The following FAM193A variants were observed in gnomAD, a reference collection of about 807,000 sequenced individuals.
The protein encoded by FAM193A is family with sequence similarity 193 member A.
In FAM193A, 22 loss-of-function variants were observed where a neutral mutation model predicts 126.5. The ratio of observed to expected loss-of-function variants is 0.17; its 90% CI spans 0.12 to 0.25. The LOEUF (loss-of-function observed/expected upper bound fraction) is 0.25. FAM193A is among the 10% of genes least tolerant of loss of function. The probability of loss-of-function intolerance (pLI) is 1.00; values close to 1 mark genes in which losing one functional copy is unlikely to be tolerated. For missense variants in FAM193A, 1,675 were observed against 1,672.8 expected (o/e 1.00, Z -0.02); for synonymous variants, 761 against 646.8 (o/e 1.18, Z -2.68).
chr4:2,704,861 C>T (rs1425488553), intron 19 of FAM193A, among the ~76,000 whole-genome samples: 1 of 152,000 alleles, frequency 6.6e-6, no homozygotes, highest in Non-Finnish European at 1.5e-5. Context: ...CTATTCATAC[C>T]TATTTCTCAT....
At chr4:2,684,359 T>A (rs1477988902) in intron 13 of FAM193A, among the ~76,000 whole-genome samples, 1 of 152,214 alleles carries the variant, frequency 6.6e-6, no homozygotes, top group Non-Finnish European at 1.5e-5. Flanking sequence ...ATTTATTATT[T>A]ATAAGTTTTA....
rs545775650 is a variant in FAM193A, at chr4:2,694,021, G to C, written c.3092+147G>C. ...GGAATGCAGGGATGTCCCCAGCAGA[G>C]GCCATGGGTAGAGGGGGGCTCCCAT... On this transcript the variant is annotated intron_variant, in intron 16 of 20. Coordinates refer to ENST00000637812, the MANE Select transcript of FAM193A (RefSeq NM_001366318.2). 1.4e-5 allele frequency: 12 copies of C among 870,518 alleles called. No homozygotes were observed. In the South Asian group the frequency reaches 1.9e-4, roughly 14 times the overall value. The allele number at this position is 870,518 out of a possible 1,614,324, so 53.9% of individuals were successfully genotyped here. A position where few individuals can be genotyped will look rare whatever the true frequency, so the allele number is the denominator to read the frequency against.
chr4:2,570,643 A>T (rs974894016), intron 1 of FAM193A, among the ~76,000 whole-genome samples: 3 of 152,116 alleles, frequency 2.0e-5, no homozygotes, highest in Non-Finnish European at 4.4e-5. Flanking sequence ...TGACACAGGA[A>T]ATAAGCCTTG....
intron 1 of FAM193A, among the ~76,000 whole-genome samples, chr4:2,560,635 A>T (rs931163982): frequency 6.6e-6 from 1 of 152,110 alleles, no homozygotes; most frequent in South Asian, 2.1e-4. Flanking sequence ...GATGGTTTTT[A>T]ATGAGTCTGT....
chr4:2,687,710 T>G (rs1042546025), intron 13 of FAM193A, among the ~76,000 whole-genome samples: 1 of 152,228 alleles, frequency 6.6e-6, no homozygotes, highest in Non-Finnish European at 1.5e-5. Flanking sequence ...TCCTTCCGCC[T>G]TCTGGTTCAT....
Position 2,662,879 on chromosome 4 carries a change from T to G in FAM193A, c.1787T>G (p.Phe596Cys). The change falls in exon 11 of 21, where the codon TTT becomes TGT. Residue 596 changes from phenylalanine (F) to cysteine (C), a missense_variant. Phe to Cys is a radical substitution (Grantham distance 205). Transcript: ENST00000637812. ...GATGTTGCACCATTGTCAGCCAAAT[T>G]TGCTGATATTTATCCATTGAGTAAT... ...DEDVAPLSAK[F>C]ADIYPLSNYD... is the part of the protein sequence containing the mutation. 6.2e-7 allele frequency: 1 copy of G among 1,611,950 alleles called. No homozygotes were observed. The highest frequency in any genetic ancestry group is 8.5e-7 in the Non-Finnish European group (1 of 1,178,138).
chr4:2,637,506 C>G (rs368239682), intron 5 of FAM193A, among the ~76,000 whole-genome samples: 3 of 152,322 alleles, frequency 2.0e-5, no homozygotes, highest in East Asian at 3.9e-4. Context: ...TTATTTCAGT[C>G]TATTGTAGGA....
rs537515273 is a variant in FAM193A at position 2,599,442 on chromosome 4, C to T, written c.501+3113C>T. Among the ~76,000 whole-genome samples the T allele has an allele frequency of 5.3e-5, 8 of 152,208 alleles. No homozygotes were observed. In the South Asian group the frequency reaches 1.2e-3, roughly 24 times the overall value. On this transcript the variant is annotated intron_variant, in intron 2 of 20. Coordinates refer to ENST00000637812, the MANE Select transcript of FAM193A (RefSeq NM_001366318.2). The stretch of plus-strand genomic sequence containing the variant: ...GGCTCTGGTCAGGGCTCAGAGTGCA[C>T]GGCTCTCCTGCAGCTTTCTGCATCC...
At chr4:2,602,551 C>A (rs1240260771) in intron 2 of FAM193A, among the ~76,000 whole-genome samples, 1 of 152,096 alleles carries the variant, frequency 6.6e-6, no homozygotes, top group Non-Finnish European at 1.5e-5. Context: ...TGGGGTTTCA[C>A]CATGTTGGCC....
chr4:2,593,699 G>A (rs1263729276), intron 1 of FAM193A, among the ~76,000 whole-genome samples: 1 of 152,108 alleles, frequency 6.6e-6, no homozygotes, highest in Non-Finnish European at 1.5e-5. Flanking sequence ...TTAACATTAT[G>A]ATTTTAGGCT....
chr4:2,590,823 C>T (rs1740526816), intron 1 of FAM193A, among the ~76,000 whole-genome samples: 1 of 151,776 alleles, frequency 6.6e-6, no homozygotes, highest in Non-Finnish European at 1.5e-5. Context: ...GTCAGGAGAT[C>T]GAGACCATCC....
At chr4:2,543,094 C>CT (rs199951533) in intron 1 of FAM193A, among the ~76,000 whole-genome samples, 43,483 of 146,086 alleles carry the variant, frequency 0.3, 7,363 homozygotes, top group East Asian at 0.53. Flanking sequence ...GTTTTCTTTT[C>CT]TTTTTTTTTT....
chr4:2,630,599 G>A (rs1273607196), intron 4 of FAM193A, among the ~76,000 whole-genome samples: 8 of 152,312 alleles, frequency 5.3e-5, no homozygotes, highest in Admixed American at 4.6e-4. Context: ...GTGAGTTTAC[G>A]CAAGTCACCC....
Position 2,547,125 on chromosome 4 carries a change from C to T in FAM193A, c.255+9955C>T, listed in dbSNP as rs555984251. On this transcript the variant is annotated intron_variant, in intron 1 of 20. Transcript: ENST00000637812. Reference sequence around the variant, plus strand: ...TTTGTGGGCTGGGCGTGGTGGCTCACGCCTGTAATTCCAGCACGTTGGGAG... The same window carrying T: ...TTTGTGGGCTGGGCGTGGTGGCTCATGCCTGTAATTCCAGCACGTTGGGAG... 3.3e-5 allele frequency among the ~76,000 whole-genome samples: 5 copies of T among 152,198 alleles called. No homozygotes were observed. The East Asian group carries it at 5.8e-4, about 18-fold the overall frequency.
chr4:2,638,123 A>G (rs932694827), intron 5 of FAM193A, among the ~76,000 whole-genome samples: 1 of 152,238 alleles, frequency 6.6e-6, no homozygotes. Context: ...CAGCTCTTCC[A>G]GGAGGCCCCT....
At chr4:2,621,291 C>T (rs747340898) in intron 2 of FAM193A, among the ~76,000 whole-genome samples, 3 of 151,990 alleles carry the variant, frequency 2.0e-5, no homozygotes, top group African/African-American at 7.3e-5. Flanking sequence ...GTAAGTGTGG[C>T]GAAGAAGGGT....
intron 1 of FAM193A, among the ~76,000 whole-genome samples, chr4:2,559,395 C>G (rs1159336189): frequency 1.3e-5 from 2 of 152,150 alleles, no homozygotes; most frequent in Admixed American, 1.3e-4. Context: ...TTCTCAGTAC[C>G]AACTGAGATA....
At chr4:2,631,790 G>C (rs1743616565) in intron 5 of FAM193A, among the ~76,000 whole-genome samples, 1 of 152,100 alleles carries the variant, frequency 6.6e-6, no homozygotes, top group South Asian at 2.1e-4. Context: ...TCACTACATT[G>C]GGTGGAAGGA....
intron 2 of FAM193A, chr4:2,608,203 G>A: frequency 3.6e-6 from 5 of 1,388,920 alleles, no homozygotes; most frequent in Middle Eastern, 2.5e-4. Flanking sequence ...TTCTGTTTTC[G>A]AGACGGTCGG....
Sources: allele counts gnomAD v4.1 joint callset (sites outside exome capture counted in the v4.1 genomes callset), GRCh38; gene constraint gnomAD v4.1.1; transcripts MANE v1.5; gene names NCBI Gene and HGNC (gene_info 2026-07-23, HGNC 2026-07-21).